ERC2: variants seen among roughly 807,000 people sequenced by gnomAD.
ERC2 encodes ERC protein 2.
Under a neutral mutation model 114.8 loss-of-function variants are expected in ERC2, and 42 were observed. The observed-to-expected ratio is 0.37, with a 90% CI of 0.29 to 0.47. ERC2 has a LOEUF of 0.47. ERC2 is among the 20% of genes least tolerant of loss of function. ERC2 has a pLI of 0.99. For synonymous variants in ERC2, 454 were observed against 425.5 expected (o/e 1.07, Z -0.82); for missense variants, 939 against 1,150.7 (o/e 0.82, Z 2.66).
At chr3:56,421,534 C>T (rs1023171537) in intron 2 of ERC2, among the ~76,000 whole-genome samples, 1 of 152,194 alleles carries the variant, frequency 6.6e-6, no homozygotes, top group Non-Finnish European at 1.5e-5. Flanking sequence ...CGCAACAGCG[C>T]AACTCTAGGC....
At chr3:56,214,066 GA>G (rs951086992) in intron 3 of ERC2, among the ~76,000 whole-genome samples, 1 of 152,170 alleles carries the variant, frequency 6.6e-6, no homozygotes, top group Non-Finnish European at 1.5e-5. Context: ...AAACAGAGCA[GA>G]AAAACTGTAA....
chr3:55,953,742 T>A (rs933851323), intron 12 of ERC2, among the ~76,000 whole-genome samples: 7 of 151,788 alleles, frequency 4.6e-5, no homozygotes, highest in African/African-American at 1.7e-4. Context: ...AAATACTAGA[T>A]CTCTTAGAGA....
intron 15 of ERC2, among the ~76,000 whole-genome samples, chr3:55,707,781 T>C (rs1170562819): frequency 1.3e-5 from 2 of 152,184 alleles, no homozygotes; most frequent in Non-Finnish European, 2.9e-5. Context: ...GTATTTAAAA[T>C]CTTTAATAGC....
intron 3 of ERC2, among the ~76,000 whole-genome samples, chr3:56,209,969 T>C (rs1376251664): frequency 1.3e-5 from 2 of 152,160 alleles, no homozygotes; most frequent in African/African-American, 4.8e-5. Flanking sequence ...ATACATACTT[T>C]ACACACAAAC....
chr3:55,709,776 G>A (rs2063677815), intron 15 of ERC2, among the ~76,000 whole-genome samples: 1 of 152,168 alleles, frequency 6.6e-6, no homozygotes, highest in African/African-American at 2.4e-5. Flanking sequence ...AAAACATGTG[G>A]TGGGGCTGTG....
chr3:56,319,200 C>T (rs940301159), intron 2 of ERC2, among the ~76,000 whole-genome samples: 2 of 151,800 alleles, frequency 1.3e-5, no homozygotes, highest in Non-Finnish European at 2.9e-5. Context: ...GTGTTCACTG[C>T]AGCATTATTA....
At chr3:56,048,016 AG>A (rs1334367824) in intron 7 of ERC2, among the ~76,000 whole-genome samples, 3 of 152,206 alleles carry the variant, frequency 2.0e-5, no homozygotes, top group Non-Finnish European at 2.9e-5. Context: ...ATCCCTATGT[AG>A]TACCCCAAAT....
chr3:55,578,351 A>G (rs2057091326), intron 17 of ERC2, among the ~76,000 whole-genome samples: 1 of 152,020 alleles, frequency 6.6e-6, no homozygotes, highest in African/African-American at 2.4e-5. Context: ...CCTAAAGCCC[A>G]CCTCGGGGCC....
At chr3:56,229,834 T>C (rs1228950842) in intron 3 of ERC2, among the ~76,000 whole-genome samples, 1 of 149,946 alleles carries the variant, frequency 6.7e-6, no homozygotes, top group Admixed American at 6.6e-5. Flanking sequence ...ATAGGTTAGA[T>C]CATTTTCTCC....
At chr3:56,217,836 G>A (rs151315545) in intron 3 of ERC2, among the ~76,000 whole-genome samples, 6,765 of 151,492 alleles carry the variant, frequency 0.045, 209 homozygotes, top group African/African-American at 0.085. Context: ...ATAATGCCAC[G>A]TATCTACAAC....
At chr3:56,260,964 C>A (rs188687836) in intron 3 of ERC2, among the ~76,000 whole-genome samples, 4 of 152,286 alleles carry the variant, frequency 2.6e-5, no homozygotes, top group African/African-American at 9.6e-5. Context: ...TTGGTATTCT[C>A]GACAAATTAA....
At chr3:55,543,744 C>T (rs142009635) in intron 17 of ERC2, among the ~76,000 whole-genome samples, 7 of 152,292 alleles carry the variant, frequency 4.6e-5, no homozygotes, top group East Asian at 1.9e-4. Context: ...TGGATCTCCT[C>T]GTTCCTGCTG....
intron 3 of ERC2, among the ~76,000 whole-genome samples, chr3:56,219,966 G>A (rs2049788477): frequency 6.6e-6 from 1 of 152,136 alleles, no homozygotes; most frequent in East Asian, 1.9e-4. Context: ...AATGAAAATT[G>A]CGGAAAGTGC....
At chr3:56,389,426 C>A (rs1204442044) in intron 2 of ERC2, among the ~76,000 whole-genome samples, 1 of 152,034 alleles carries the variant, frequency 6.6e-6, no homozygotes, top group African/African-American at 2.4e-5. Flanking sequence ...GAGTTACATG[C>A]GAAATACTGT....
chr3:56,294,109 TA>T (rs1560536835), intron 3 of ERC2, among the ~76,000 whole-genome samples: 1 of 152,240 alleles, frequency 6.6e-6, no homozygotes, highest in Non-Finnish European at 1.5e-5. Context: ...AATCCACAGT[TA>T]GTCTACATGC....
At chr3:56,232,070 A>C (rs1272675439) in intron 3 of ERC2, among the ~76,000 whole-genome samples, 1 of 151,566 alleles carries the variant, frequency 6.6e-6, no homozygotes, top group Non-Finnish European at 1.5e-5. Flanking sequence ...TTCAGTGTAT[A>C]ATTGATCCTC....
intron 13 of ERC2, among the ~76,000 whole-genome samples, chr3:55,927,970 T>A (rs1447244878): frequency 6.6e-6 from 1 of 152,228 alleles, no homozygotes; most frequent in African/African-American, 2.4e-5. Flanking sequence ...GGTACTCCAT[T>A]GTGTATATGT....
intron 13 of ERC2, among the ~76,000 whole-genome samples, chr3:55,949,060 G>A (rs1162975889): frequency 6.6e-6 from 1 of 152,108 alleles, no homozygotes; most frequent in Non-Finnish European, 1.5e-5. Flanking sequence ...CCTAAGGTCA[G>A]GTCGTCTTTA....
At chr3:56,374,752 C>G (rs1393203471) in intron 2 of ERC2, among the ~76,000 whole-genome samples, 2 of 152,110 alleles carry the variant, frequency 1.3e-5, no homozygotes, top group African/African-American at 2.4e-5. Context: ...AAAAATCAAC[C>G]AGGATGCTTG....
Sources: allele counts gnomAD v4.1 joint callset (sites outside exome capture counted in the v4.1 genomes callset), GRCh38; gene constraint gnomAD v4.1.1; transcripts MANE v1.5; gene names NCBI Gene and HGNC (gene_info 2026-07-23, HGNC 2026-07-21).